Variants in NR4A3 observed in about 807,000 individuals in gnomAD.
The protein encoded by NR4A3 is chondrosarcoma, extraskeletal myxoid, fused to EWS.
NR4A3 carries 13 observed loss-of-function variants against 55.6 expected under a neutral mutation model. That is an observed-to-expected ratio of 0.23 (90% CI 0.15 to 0.37). The LOEUF (loss-of-function observed/expected upper bound fraction) is 0.37. Ranked by LOEUF, NR4A3 falls within the 10% of genes least tolerant of loss-of-function variation. NR4A3 has a pLI of 1.00. For synonymous variants in NR4A3, 342 were observed against 357.9 expected, an observed-to-expected ratio of 0.96 and a Z score of 0.50; for missense variants, 646 against 822.8, an observed-to-expected ratio of 0.79 and a Z score of 2.63.
At chr9:99,841,333 A>G (rs1319015147) in intron 5 of NR4A3, among the ~76,000 whole-genome samples, 1 of 152,128 alleles carries the variant, frequency 6.6e-6, no homozygotes, top group Non-Finnish European at 1.5e-5. Flanking sequence ...GTCTATTACA[A>G]CACAGAATAT....
chr9:99,861,509 C>CAAGG (rs746293759), intron 7 of NR4A3, among the ~76,000 whole-genome samples: 18 of 151,236 alleles, frequency 1.2e-4, no homozygotes, highest in Non-Finnish European at 2.1e-4. Flanking sequence ...GAGACTCTGT[C>CAAGG]AAGGAAGGAA....
At chr9:99,840,098 G>C (rs1827626441) in intron 5 of NR4A3, among the ~76,000 whole-genome samples, 1 of 152,218 alleles carries the variant, frequency 6.6e-6, no homozygotes, top group African/African-American at 2.4e-5. Flanking sequence ...TCACCCCCAA[G>C]TTACTGGTGG....
chr9:99,837,422 C>A lies in NR4A3; in HGVS notation c.1254+3968C>A. 1.3e-5 allele frequency among the ~76,000 whole-genome samples: 2 copies of A among 152,204 alleles called. 1 individual carries two copies. The highest frequency in any genetic ancestry group is 4.1e-4 in the South Asian group (2 of 4,826). ...AGGGGTTAACTGGCTTGCCTAATGT[C>A]GGTGACAGAGTAGAGGACAAAATCC... On this transcript the variant is annotated intron_variant, in intron 5 of 7. Coordinates refer to ENST00000395097, the MANE Select transcript of NR4A3 (RefSeq NM_006981.4).
In NR4A3 at chr9:99,846,360, A is replaced by G. The variant is rs574201728; in HGVS notation, c.1455-1077A>G. ...CCCTCAACAATCTTAGGAGGTAGCA[A>G]TTAGAATTTTTGTTTTATAAATAAG... On this transcript the variant is annotated intron_variant, in intron 6 of 7. Coordinates refer to ENST00000395097, the MANE Select transcript of NR4A3 (RefSeq NM_006981.4). 2.6e-5 allele frequency among the ~76,000 whole-genome samples: 4 copies of G among 152,302 alleles called. No individual in the cohort carries two copies. The East Asian group carries it at 7.7e-4, about 29-fold the overall frequency.
At chr9:99,834,607 C>T (rs938640158) in intron 5 of NR4A3, among the ~76,000 whole-genome samples, 7 of 152,180 alleles carry the variant, frequency 4.6e-5, no homozygotes, top group Non-Finnish European at 8.8e-5. Context: ...CCAAACTGCC[C>T]TCCCCAGGTC....
chr9:99,860,914 G>T (rs940119385), intron 7 of NR4A3, among the ~76,000 whole-genome samples: 2 of 152,194 alleles, frequency 1.3e-5, no homozygotes, highest in Non-Finnish European at 2.9e-5. Flanking sequence ...ATAATCCATG[G>T]AGTTGGGTTT....
Position 99,863,968 on chromosome 9 carries a change from A to G in NR4A3, c.*101A>G, listed in dbSNP as rs2118188256. On this transcript the variant is annotated 3_prime_UTR_variant, in exon 8 of 8. Transcript: ENST00000395097. ...ACCTATCATTTCCTGTCCTTCCTTA[A>G]GAGGAAAAGCAGCTCCTGTAGAAAG... The G allele has an allele frequency of 7.3e-7, 1 of 1,372,214 alleles. No homozygotes were observed. The highest frequency in any genetic ancestry group is 9.9e-7 in the Non-Finnish European group (1 of 1,012,660). 85.0% of individuals were successfully genotyped at this position (1,372,214 alleles called of 1,614,324 possible).
intron 7 of NR4A3, 74 bp from the exon 8 acceptor site, chr9:99,863,546 C>A: frequency 1.3e-6 from 2 of 1,524,514 alleles, no homozygotes; most frequent in Non-Finnish European, 1.8e-6. Flanking sequence ...AGACACAGAC[C>A]TCAATTAGGG....
In NR4A3 at chr9:99,822,635, C is replaced by T. The variant is rs1827202936; in HGVS notation, c.-177+228C>T. On this transcript the variant is annotated intron_variant, in intron 1 of 7. Transcript: ENST00000395097. This position sits in a 1 kb window ranked among gnomAD's most constrained non-coding sequence, Gnocchi z 4.9. ...AGCTCGTGGGATTCCTCCCCCCACT[C>T]GAAGAGGCGAAAAGCCTCTAACAAA... Among the ~76,000 whole-genome samples the T allele has an allele frequency of 6.6e-6, 1 of 152,140 alleles. No homozygotes were observed. The highest frequency in any genetic ancestry group is 1.5e-5 in the Non-Finnish European group (1 of 68,024).
chr9:99,833,698 T>C, intron 5 of NR4A3: 1 of 1,533,430 alleles, frequency 6.5e-7, no homozygotes, highest in East Asian at 2.3e-5. Context: ...TCATACACAT[T>C]GTTGCAGGAT....
At position 99,828,600 on chromosome 9, in the gene NR4A3, G is replaced by C. The variant is rs772261289; in HGVS notation, c.558G>C (p.Ala186=). The C allele has an allele frequency of 6.5e-7, 1 of 1,543,394 alleles. No homozygotes were observed. The highest frequency in any genetic ancestry group is 8.7e-7 in the Non-Finnish European group (1 of 1,155,190). ...AGGCGGTCCCCACGGTGGCCGGCGC[G>C]CGCTTCCCGCTCTTCCACTTCAAGC... ...PMKAVPTVAG[A]RFPLFHFKPS... The change falls in exon 3 of 8, where the codon GCG becomes GCC. Residue 186 remains alanine (A), a synonymous_variant. Transcript: ENST00000395097. This position sits in a 1 kb window ranked among gnomAD's most constrained non-coding sequence, Gnocchi z 7.7.
intron 3 of NR4A3, 134 bp downstream of exon 3, chr9:99,829,127 T>C (rs749466278): frequency 2.5e-5 from 27 of 1,060,048 alleles, no homozygotes; most frequent in Non-Finnish European, 3.1e-5. Context: ...CTACAGCCCT[T>C]CCTAGCACCT....
chr9:99,858,211 C>T (rs374882694), intron 7 of NR4A3, among the ~76,000 whole-genome samples: 9 of 152,246 alleles, frequency 5.9e-5, no homozygotes, highest in African/African-American at 2.2e-4. Flanking sequence ...AAGCTTCCTT[C>T]AAGAAATATT....
chr9:99,827,227 A>G (rs889476011), intron 2 of NR4A3, among the ~76,000 whole-genome samples: 1 of 151,778 alleles, frequency 6.6e-6, no homozygotes, highest in Non-Finnish European at 1.5e-5. Context: ...AGTCACTGAT[A>G]TGTTTTATTA....
intron 5 of NR4A3, chr9:99,834,793 G>C (rs1358812583): frequency 6.1e-6 from 6 of 985,230 alleles, no homozygotes; most frequent in African/African-American, 3.5e-5. Flanking sequence ...CTCTGCACCT[G>C]ATAACAAAAC....
intron 5 of NR4A3, 67 bp downstream of exon 5, chr9:99,833,521 AGAGTT>A (rs769020532): frequency 1.2e-6 from 2 of 1,613,778 alleles, no homozygotes; most frequent in Non-Finnish European, 1.7e-6. Flanking sequence ...ACTAGTAATA[AGAGTT>A]GATTGAATGA....
intron 7 of NR4A3, among the ~76,000 whole-genome samples, chr9:99,853,321 CTT>C (rs71370971): frequency 7.3e-5 from 9 of 123,366 alleles, no homozygotes; most frequent in East Asian, 4.8e-4. Context: ...TAGGGAATTT[CTT>C]TTTTTTTTTT....
In NR4A3 at chr9:99,866,423, T is replaced by C. The variant is rs1828098776; in HGVS notation, c.*2556T>C. 1 of 225,308 alleles carries C rather than the reference T, an allele frequency of 4.4e-6. No homozygotes were observed. The highest frequency in any genetic ancestry group is 1.8e-4 in the South Asian group (1 of 5,456). 14.0% of individuals were successfully genotyped at this position (225,308 alleles called of 1,614,324 possible). On this transcript the variant is annotated 3_prime_UTR_variant, in exon 8 of 8. Transcript: ENST00000395097. ...CTTTTTAGCCATTATAATCTAGTGG[T>C]TGGAAGGAATGAAGAAGCTTTTTTA...
At chr9:99,862,218 G>A (rs954203667) in intron 7 of NR4A3, among the ~76,000 whole-genome samples, 5 of 151,810 alleles carry the variant, frequency 3.3e-5, no homozygotes, top group East Asian at 1.9e-4. Context: ...AGAAAATTTC[G>A]AGATAACAGA....
Sources: allele counts gnomAD v4.1 joint callset (sites outside exome capture counted in the v4.1 genomes callset), GRCh38; gene constraint gnomAD v4.1.1; non-coding constraint Gnocchi (gnomAD v3.1); transcripts MANE v1.5; gene names NCBI Gene and HGNC (gene_info 2026-07-23, HGNC 2026-07-21).